The following LRP4 variants were observed in gnomAD, a reference collection of about 807,000 sequenced individuals.
LRP4 encodes the protein LDL receptor related protein 4, also known as low-density lipoprotein receptor-related protein 4.
A neutral mutation model predicts 220.3 loss-of-function variants in LRP4; 95 were observed. The ratio of observed to expected loss-of-function variants is 0.43; its 90% CI spans 0.37 to 0.51. The LOEUF (loss-of-function observed/expected upper bound fraction) is 0.51. Ranked by LOEUF, LRP4 falls within the 20% of genes least tolerant of loss-of-function variation. The pLI is 0.00. For synonymous variants in LRP4, 903 were observed against 954.6 expected, an observed-to-expected ratio of 0.95 and a Z score of 1.00; for missense variants, 1,925 against 2,567.0, an observed-to-expected ratio of 0.75 and a Z score of 5.40.
At chr11:46,892,057 C>T (rs11039020) in intron 13 of LRP4, among the ~76,000 whole-genome samples, 2 of 152,010 alleles carry the variant, frequency 1.3e-5, no homozygotes, top group Non-Finnish European at 2.9e-5. Context: ...CAGCCTCCCA[C>T]GTAGCTGGGA....
Position 46,894,817 on chromosome 11 carries a change from GC to G in LRP4, c.1311del (p.Pro438GlnfsTer373). 6.2e-7 allele frequency: 1 copy of G among 1,613,758 alleles called. No homozygotes were observed. The highest frequency in any genetic ancestry group is 8.5e-7 in the Non-Finnish European group (1 of 1,179,656). ...TTGGCGAACAGCAGCACAGGCTCTG[GC>G]CCTGGGAAACAGTATAAACATGGGA... is the stretch of plus-strand genomic sequence containing the variant. ...RPDRRSCKAL[G>X]PEPVLLFANR... On this transcript the variant is annotated frameshift_variant and splice_region_variant, in exon 12 of 38. Coordinates refer to ENST00000378623, the MANE Select transcript of LRP4 (RefSeq NM_002334.4). LOFTEE classifies it high-confidence loss of function.
rs756651374 is a variant in LRP4, at chr11:46,894,634, C to T, written c.1495G>A (p.Gly499Ser). 1.2e-5 allele frequency: 19 copies of T among 1,613,734 alleles called. No homozygotes were observed. The highest frequency in any genetic ancestry group is 2.2e-5 in the South Asian group (2 of 90,992). The change falls in exon 12 of 38, where the codon GGC becomes AGC. Residue 499 changes from glycine (G) to serine (S), a missense_variant. Physicochemically the swap from Gly to Ser is moderately conservative, Grantham distance 56. This residue lies in a region of LRP4 where 269 missense variants were observed against 436.7 expected (regional missense o/e 0.62). Coordinates refer to ENST00000378623, the MANE Select transcript of LRP4 (RefSeq NM_002334.4). Reference sequence around the variant, plus strand: ...GACACAACCTCCTCCACGTTGCTGCCGTTGAGGTTGGCACGGAGGATCCGG... The same window carrying T: ...GACACAACCTCCTCCACGTTGCTGCTGTTGAGGTTGGCACGGAGGATCCGG... ...LDRILRANLN[G>S]SNVEEVVSTG...
At chr11:46,884,388 G>T (rs1016176476) in intron 18 of LRP4, among the ~76,000 whole-genome samples, 2 of 152,048 alleles carry the variant, frequency 1.3e-5, no homozygotes, top group Non-Finnish European at 2.9e-5. Context: ...TGGATCATGA[G>T]GTCAGGAGTT....
rs749239308 is a variant in LRP4 at position 46,893,057 on chromosome 11, G to A, written c.1613C>T (p.Ala538Val). Reference sequence around the variant, plus strand: ...TTTCCGGTGGGCCCCATCCAGATTGGCCACCTCAATCCTCGAGGTGCCTGA... The same window carrying A: ...TTTCCGGTGGGCCCCATCCAGATTGACCACCTCAATCCTCGAGGTGCCTGA... ...TDSGTSRIEV[A>V]NLDGAHRKVL... The change falls in exon 13 of 38, where the codon GCC becomes GTC. Residue 538 changes from alanine (A) to valine (V), a missense_variant. Ala to Val is a moderately conservative substitution (Grantham distance 64). Transcript: ENST00000378623. 6.2e-6 allele frequency: 10 copies of A among 1,613,934 alleles called. No individual in the cohort carries two copies.
rs1157208799 is a variant in LRP4 at position 46,860,232 on chromosome 11, T to TAA, written c.5386-919_5386-918dup. On this transcript the variant is annotated intron_variant, in intron 37 of 37. Transcript: ENST00000378623. ...CCTGGGTGACAGAGCAAGATTCCAT[T>TAA]AAAAAAAAAAAAAGAAAGAAAGAAA... Among the ~76,000 whole-genome samples, 442 of 125,508 alleles carry TAA rather than the reference T, an allele frequency of 3.5e-3. 4 individuals are homozygous for TAA. Among genetic ancestry groups the TAA allele is most frequent in the African/African-American group, 0.012 (413 of 34,010 alleles). 82.3% of individuals were successfully genotyped at this position (125,508 alleles called of 152,430 possible).
Position 46,878,979 on chromosome 11 carries a change from T to G in LRP4, c.3064A>C (p.Asn1022His). Residue 1022 changes from asparagine (N) to histidine (H), a missense_variant, in exon 22 of 38, where the codon AAT becomes CAT. Asn to His is a moderately conservative substitution (Grantham distance 68). This residue lies in a region of LRP4 where 1,244 missense variants were observed against 1,624.9 expected (regional missense o/e 0.77). Transcript: ENST00000378623. ...GCSHLCLRSP[N>H]PSGFSCTCPT... Reference sequence around the variant, plus strand: ...CAGGTACAGCTGAATCCGCTTGGATTTGGGGACCTAAGACACAGGTGGCTA... The same window carrying G: ...CAGGTACAGCTGAATCCGCTTGGATGTGGGGACCTAAGACACAGGTGGCTA... 1.2e-6 allele frequency: 2 copies of G among 1,614,198 alleles called. No individual in the cohort carries two copies. The highest frequency in any genetic ancestry group is 1.1e-5 in the South Asian group (1 of 91,082).
chr11:46,895,208 C>T lies in LRP4; in HGVS notation c.1267G>A (p.Gly423Ser). ...EGAFQCWCET[G>S]YELRPDRRSC... ...CGCCGGTCGGGCCGTAGTTCATAGCCTGTTTCACACCAGCATTGGAAAGCC... is the reference window on the plus strand; with the variant it reads ...CGCCGGTCGGGCCGTAGTTCATAGCTTGTTTCACACCAGCATTGGAAAGCC... Residue 423 changes from glycine to serine, a missense_variant, in exon 11 of 38, where the codon GGC becomes AGC. By Grantham distance (56) the Gly-to-Ser change is moderately conservative (BLOSUM62 0). This residue lies in a region of LRP4 where 269 missense variants were observed against 436.7 expected (regional missense o/e 0.62). Transcript: ENST00000378623. The T allele has an allele frequency of 6.2e-7, 1 of 1,614,154 alleles. No homozygotes were observed. Among genetic ancestry groups the T allele is most frequent in the South Asian group, 1.1e-5 (1 of 91,090 alleles).
At chr11:46,868,333 G>A (rs1940757826) in intron 33 of LRP4, among the ~76,000 whole-genome samples, 1 of 152,220 alleles carries the variant, frequency 6.6e-6, no homozygotes. Context: ...GGAAGAGAGA[G>A]TGATGCACAG....
rs1940453997 is a variant in LRP4 at position 46,858,908 on chromosome 11, C to T, written c.*75G>A. The T allele has an allele frequency of 9.4e-6, 13 of 1,383,122 alleles. No homozygotes were observed. The highest frequency in any genetic ancestry group is 4.7e-5 in the South Asian group (4 of 85,872). 85.7% of individuals were successfully genotyped at this position (1,383,122 alleles called of 1,614,324 possible). A position where few individuals can be genotyped will look rare whatever the true frequency, so the allele number is the denominator to read the frequency against. On this transcript the variant is annotated 3_prime_UTR_variant, in exon 38 of 38. Transcript: ENST00000378623. ...GACAAGCACACAGAAGCGGGGCCTG[C>T]GGTGTAAGCGAGCACAAGGACTAGA...
rs1394740874 is a variant in LRP4, at chr11:46,882,370, G to A, written c.2613-467C>T. Reference sequence around the variant, plus strand: ...TGCACATCTGTGGTCCCAGCTACTTGAGAGGCTGAGATAGGAGGATCATTT... The same window carrying A: ...TGCACATCTGTGGTCCCAGCTACTTAAGAGGCTGAGATAGGAGGATCATTT... On this transcript the variant is annotated intron_variant, in intron 19 of 37. Transcript: ENST00000378623. 3.9e-5 allele frequency among the ~76,000 whole-genome samples: 6 copies of A among 151,972 alleles called. No individual in the cohort carries two copies. In the East Asian group the frequency reaches 1.2e-3, roughly 29 times the overall value.
intron 1 of LRP4, among the ~76,000 whole-genome samples, chr11:46,909,858 C>A (rs927266689): frequency 1.4e-4 from 22 of 152,080 alleles, no homozygotes; most frequent in Non-Finnish European, 2.8e-4. Context: ...CTGGAGAGAA[C>A]AGGAATCTTC....
intron 12 of LRP4, 58 bp downstream of exon 12, chr11:46,894,531 C>T (rs1941483489): frequency 3.7e-6 from 5 of 1,363,426 alleles, no homozygotes; most frequent in African/African-American, 2.9e-5. Context: ...CTATTCCTCC[C>T]ACCGTTGCTG....
chr11:46,893,600 TTTTG>T (rs1450831148), intron 12 of LRP4, among the ~76,000 whole-genome samples: 5 of 152,300 alleles, frequency 3.3e-5, no homozygotes, highest in East Asian at 1.9e-4. Flanking sequence ...TTCTGTGGTT[TTTTG>T]TTTGTTTGTT....
At chr11:46,908,003 C>A (rs1258433349) in intron 1 of LRP4, among the ~76,000 whole-genome samples, 1 of 152,000 alleles carries the variant, frequency 6.6e-6, no homozygotes, top group Non-Finnish European at 1.5e-5. Flanking sequence ...GGCGCGATCT[C>A]AGCTTACGGC....
chr11:46,876,517 A>G lies in LRP4; in HGVS notation c.3485T>C (p.Val1162Ala), dbSNP rs1941022569. ...CCGGGGACTGTCAAGGTTCTGCCACACCAACACTTTCCGCATGGACCCGTC... is the reference window on the plus strand; with the variant it reads ...CCGGGGACTGTCAAGGTTCTGCCACGCCAACACTTTCCGCATGGACCCGTC... ...NLDGSMRKVL[V>A]WQNLDSPRAI... Residue 1162 changes from valine (V) to alanine (A), a missense_variant, in exon 25 of 38, where the codon GTG becomes GCG. Physicochemically the swap from Val to Ala is moderately conservative, Grantham distance 64. Transcript: ENST00000378623. The G allele has an allele frequency of 1.2e-6, 2 of 1,614,028 alleles. No homozygotes were observed. The highest frequency in any genetic ancestry group is 1.7e-5 in the Admixed American group (1 of 60,000).
At position 46,895,820 on chromosome 11, in the gene LRP4, C is replaced by G. The variant is rs1177496772; in HGVS notation, c.1183+64G>C. On this transcript the variant is annotated intron_variant, in intron 10 of 37. Coordinates refer to ENST00000378623, the MANE Select transcript of LRP4 (RefSeq NM_002334.4). ...TCAAATGCCTGACCCATAGGAAACA[C>G]AGCTGCCTGTCTGCTGCCCCTGCTC... 1.0e-5 allele frequency: 16 copies of G among 1,600,934 alleles called. No homozygotes were observed. In the East Asian group the frequency reaches 2.7e-4, roughly 27 times the overall value.
intron 33 of LRP4, 123 bp from the exon 34 acceptor site, chr11:46,868,237 A>G (rs1440864414): frequency 2.7e-6 from 3 of 1,102,898 alleles, no homozygotes; most frequent in East Asian, 2.5e-5. Flanking sequence ...AGGCACCTTC[A>G]TTAGTAGCCC....
At chr11:46,892,725 C>T (rs575134755) in intron 13 of LRP4, among the ~76,000 whole-genome samples, 23 of 152,340 alleles carry the variant, frequency 1.5e-4, no homozygotes, top group Non-Finnish European at 2.9e-4. Flanking sequence ...GCACCCGCCA[C>T]CATGCCTGGC....
chr11:46,898,886 G>C lies in LRP4; in HGVS notation c.676+18C>G. The C allele has an allele frequency of 6.2e-7, 1 of 1,613,746 alleles. No individual in the cohort carries two copies. Among genetic ancestry groups the C allele is most frequent in the South Asian group, 1.1e-5 (1 of 91,076 alleles). On this transcript the variant is annotated intron_variant, in intron 6 of 37. Coordinates refer to ENST00000378623, the MANE Select transcript of LRP4 (RefSeq NM_002334.4). Reference sequence around the variant, plus strand: ...CCCAGCCTGGCCTCCCCACCTCCCAGCTGGCCAGAGTACTCACAGCAGTCA... The same window carrying C: ...CCCAGCCTGGCCTCCCCACCTCCCACCTGGCCAGAGTACTCACAGCAGTCA...
Sources: allele counts gnomAD v4.1 joint callset (sites outside exome capture counted in the v4.1 genomes callset), GRCh38; gene constraint gnomAD v4.1.1; regional missense constraint gnomAD v4.1.1; transcripts MANE v1.5; gene names NCBI Gene and HGNC (gene_info 2026-07-23, HGNC 2026-07-21).